Variants in SLC6A9 observed in about 807,000 individuals in gnomAD.
SLC6A9 encodes solute carrier family 6 member 9, also known as sodium- and chloride-dependent glycine transporter 1.
SLC6A9 carries 31 observed loss-of-function variants against 70.9 expected under a neutral mutation model. That is an observed-to-expected ratio of 0.44 (90% CI 0.33 to 0.59). The LOEUF (loss-of-function observed/expected upper bound fraction) is 0.59. SLC6A9 is among the 20% of genes least tolerant of loss of function. The pLI, the probability that SLC6A9 is intolerant of heterozygous loss-of-function variation, is 0.04. For synonymous variants in SLC6A9, 310 were observed against 341.3 expected, an observed-to-expected ratio of 0.91 and a Z score of 1.01; for missense variants, 631 against 845.2, an observed-to-expected ratio of 0.75 and a Z score of 3.14.
rs2085883088 is a variant in SLC6A9, at chr1:43,996,924, T to A, written c.*621A>T. ...CTGGGCCTGACAGCCAGGCCTGGAA[T>A]GAGGGGCAGAGACCCCGGAGCAGCC... On this transcript the variant is annotated 3_prime_UTR_variant, in exon 14 of 14. Coordinates refer to ENST00000372310, the MANE Select transcript of SLC6A9 (RefSeq NM_001024845.3). 1 of 152,780 alleles carries A rather than the reference T, an allele frequency of 6.5e-6. No homozygotes were observed. Among genetic ancestry groups the A allele is most frequent in the Admixed American group, 6.5e-5 (1 of 15,274 alleles). 9.5% of individuals were successfully genotyped at this position (152,780 alleles called of 1,614,324 possible).
chr1:44,017,275 T>TCCCC (rs1388657342), intron 2 of SLC6A9: 1 of 1,490,286 alleles, frequency 6.7e-7, no homozygotes, highest in Non-Finnish European at 8.9e-7. Context: ...CTCCGGCCAG[T>TCCCC]CCCCATGCAG....
At chr1:44,015,636 C>A (rs1374088623) in intron 2 of SLC6A9, among the ~76,000 whole-genome samples, 1 of 152,244 alleles carries the variant, frequency 6.6e-6, no homozygotes, top group South Asian at 2.1e-4. Context: ...GAAGACCCCA[C>A]GACCTCCTTC....
At chr1:44,019,818 C>G (rs1002553174) in intron 2 of SLC6A9, among the ~76,000 whole-genome samples, 2 of 152,350 alleles carry the variant, frequency 1.3e-5, no homozygotes, top group Admixed American at 1.3e-4. Context: ...AGGCTAGGGT[C>G]TTTGTTGTCC....
chr1:44,031,382 G>GC lies in SLC6A9; in HGVS notation c.-163dup, dbSNP rs2087118627. The GC allele has an allele frequency of 6.6e-6, 1 of 152,258 alleles. No individual in the cohort carries two copies. The highest frequency in any genetic ancestry group is 2.4e-5 in the African/African-American group (1 of 41,432). The allele number at this position is 152,258 out of a possible 1,614,324, so 9.4% of individuals were successfully genotyped here. On this transcript the variant is annotated 5_prime_UTR_variant, in exon 1 of 14. It removes the in-frame stop codon of an upstream open reading frame in the 5' UTR. Coordinates refer to ENST00000372310, the MANE Select transcript of SLC6A9 (RefSeq NM_001024845.3). ...AGGTGGCTTTCTTAAAGGGAAAGTTGCATCAGCCTCCCGAGGCTCTGTGCC... is the reference window on the plus strand; with the variant it reads ...AGGTGGCTTTCTTAAAGGGAAAGTTGCCATCAGCCTCCCGAGGCTCTGTGCC...
rs201050717 is a variant in SLC6A9 at position 44,000,883 on chromosome 1, G to C, written c.1436-16C>G. The C allele has an allele frequency of 1.3e-6, 2 of 1,599,236 alleles. No homozygotes were observed. Among genetic ancestry groups the C allele is most frequent in the Non-Finnish European group, 1.7e-6 (2 of 1,171,552 alleles). On this transcript the variant is annotated splice_polypyrimidine_tract_variant and intron_variant, in intron 11 of 13. Coordinates refer to ENST00000372310, the MANE Select transcript of SLC6A9 (RefSeq NM_001024845.3). Reference sequence around the variant, plus strand: ...TTCCGGTGCCCTGGAGAGATGGGGGGTCAGCAGACCCGCAGGACAGAGTGG... The same window carrying C: ...TTCCGGTGCCCTGGAGAGATGGGGGCTCAGCAGACCCGCAGGACAGAGTGG...
chr1:44,018,690 T>G lies in SLC6A9; in HGVS notation c.30+5558A>C, dbSNP rs2086825380. Among the ~76,000 whole-genome samples, 1 of 151,804 alleles carries G rather than the reference T, an allele frequency of 6.6e-6. No homozygotes were observed. The highest frequency in any genetic ancestry group is 2.4e-5 in the African/African-American group (1 of 41,360). ...CAGTGGCTTAGGCCTGTAATGCCAGTGCTTTGGGAAGCCAAGGCAGGAGGG... is the reference window on the plus strand; with the variant it reads ...CAGTGGCTTAGGCCTGTAATGCCAGGGCTTTGGGAAGCCAAGGCAGGAGGG... On this transcript the variant is annotated intron_variant, in intron 2 of 13. Coordinates refer to ENST00000372310, the MANE Select transcript of SLC6A9 (RefSeq NM_001024845.3). This position sits in a 1 kb window ranked among gnomAD's most constrained non-coding sequence, Gnocchi z 4.2.
chr1:44,000,433 T>C (rs2086046946), intron 12 of SLC6A9, among the ~76,000 whole-genome samples: 1 of 152,170 alleles, frequency 6.6e-6, no homozygotes, highest in African/African-American at 2.4e-5. Context: ...CCTGGAGGGA[T>C]GGGAGATAAG....
At chr1:43,999,964 C>A (rs2086029998) in intron 12 of SLC6A9, among the ~76,000 whole-genome samples, 1 of 152,228 alleles carries the variant, frequency 6.6e-6, no homozygotes, top group South Asian at 2.1e-4. Context: ...TGGACCATTC[C>A]TCCCTCCTGC....
At chr1:43,999,663 C>T (rs1261949876) in intron 12 of SLC6A9, among the ~76,000 whole-genome samples, 1 of 152,174 alleles carries the variant, frequency 6.6e-6, no homozygotes, top group African/African-American at 2.4e-5. Context: ...CTGTGCCAGG[C>T]TCGGGAACAT....
rs182045915 is a variant in SLC6A9, at chr1:44,002,711, C to T, written c.724-65G>A. The stretch of plus-strand genomic sequence containing the variant: ...CCTCCCCTGGGCACCACCACCCTGG[C>T]TCCCTAATCACCACCAGCCCCCTGG... On this transcript the variant is annotated intron_variant, in intron 6 of 13. Transcript: ENST00000372310. The surrounding 1 kb of genome is among the most constrained non-coding windows in gnomAD (Gnocchi z 5.5). 1,509 of 1,603,952 alleles carry T rather than the reference C, an allele frequency of 9.4e-4. 9 individuals carry two copies. In the African/African-American group the frequency reaches 0.017, roughly 19 times the overall value.
At position 44,000,963 on chromosome 1, in the gene SLC6A9, G is replaced by A; in HGVS notation, c.1428C>T (p.Tyr476=). 2 of 1,600,502 alleles carry A rather than the reference G, an allele frequency of 1.2e-6. No individual in the cohort carries two copies. Among genetic ancestry groups the A allele is most frequent in the South Asian group, 2.2e-5 (2 of 89,126 alleles). The change falls in exon 11 of 14, where the codon TAC becomes TAT. Residue 476 remains tyrosine (Y), a synonymous_variant. Coordinates refer to ENST00000372310, the MANE Select transcript of SLC6A9 (RefSeq NM_001024845.3). ...ISCIMCVAIM[Y]IYGHRNYFQD... ...GGAGGCTCGAGTGCTCACCGTAGAT[G>A]TACATGATGGCCACACACATGATGC...
intron 1 of SLC6A9, among the ~76,000 whole-genome samples, chr1:44,030,090 A>G (rs1024699182): frequency 1.3e-5 from 2 of 152,034 alleles, no homozygotes; most frequent in South Asian, 4.1e-4. Flanking sequence ...CAGGCCCGAA[A>G]GGGGGTGCGG....
chr1:44,001,999 G>A (rs1290922317), intron 8 of SLC6A9, among the ~76,000 whole-genome samples: 1 of 152,098 alleles, frequency 6.6e-6, no homozygotes, highest in Non-Finnish European at 1.5e-5. Flanking sequence ...GCCTCTCAAA[G>A]TGCTGGGATT....
chr1:44,006,457 G>C (rs111439062), intron 5 of SLC6A9, among the ~76,000 whole-genome samples: 1 of 151,804 alleles, frequency 6.6e-6, no homozygotes, highest in Admixed American at 6.6e-5. Context: ...GCGTGGTGGC[G>C]GGTGCTTGTA....
intron 2 of SLC6A9, among the ~76,000 whole-genome samples, chr1:44,012,387 C>T (rs1168420643): frequency 2.0e-5 from 3 of 152,238 alleles, no homozygotes; most frequent in Admixed American, 6.5e-5. Flanking sequence ...CCTGTGCTCT[C>T]AATCCAGCAT....
intron 2 of SLC6A9, among the ~76,000 whole-genome samples, chr1:44,012,860 C>T (rs957234271): frequency 1.8e-4 from 27 of 152,206 alleles, no homozygotes; most frequent in African/African-American, 6.3e-4. Context: ...CATGCCCCTA[C>T]AGAATCCTGT....
intron 2 of SLC6A9, among the ~76,000 whole-genome samples, chr1:44,012,283 C>A (rs932516774): frequency 6.6e-6 from 1 of 152,260 alleles, no homozygotes; most frequent in Admixed American, 6.5e-5. Context: ...GGGCCCCAAG[C>A]GCCTTGGATA....
chr1:44,023,515 G>A (rs956599842), intron 2 of SLC6A9, among the ~76,000 whole-genome samples: 4 of 152,154 alleles, frequency 2.6e-5, no homozygotes, highest in African/African-American at 7.2e-5. Context: ...GGTGGCTCAT[G>A]CCTGTAACCC....
Position 44,015,304 on chromosome 1 carries a change from G to A in SLC6A9, c.31-4422C>T, listed in dbSNP as rs139968034. On this transcript the variant is annotated intron_variant, in intron 2 of 13. Transcript: ENST00000372310. ...GACTGTGCTCTGGTGTGACACTCCC[G>A]CCTCCTAGATCAGTGGCCAGTGGAT... Among the ~76,000 whole-genome samples the A allele has an allele frequency of 9.0e-4, 137 of 152,254 alleles. 3 individuals carry two copies. The highest frequency in any genetic ancestry group is 3.0e-3 in the African/African-American group (125 of 41,542).
Sources: gnomAD v4.1 joint callset for allele counts (sites outside exome capture counted in the v4.1 genomes callset) on GRCh38, gnomAD v4.1.1 for gene constraint, Gnocchi (gnomAD v3.1) non-coding constraint, MANE v1.5 for transcripts, NCBI Gene and HGNC (gene_info 2026-07-23, HGNC 2026-07-21) for gene names.